The following NEGR1 variants were observed in gnomAD, a reference collection of about 807,000 sequenced individuals.
NEGR1 encodes the protein IgLON family member 4.
In NEGR1, 10 loss-of-function variants were observed where a neutral mutation model predicts 40.9. That is an observed-to-expected ratio of 0.24 (90% confidence interval 0.15 to 0.42). The LOEUF (loss-of-function observed/expected upper bound fraction) is 0.42, where lower values mean the gene tolerates loss of function less well. NEGR1 is among the 10% of genes least tolerant of loss of function. The pLI is 1.00. For synonymous variants in NEGR1, 185 were observed against 166.8 expected, an observed-to-expected ratio of 1.11 and a Z score of -0.84; for missense variants, 352 against 438.9, an observed-to-expected ratio of 0.80 and a Z score of 1.77.
At chr1:72,226,619 T>C (rs1403270853) in intron 1 of NEGR1, among the ~76,000 whole-genome samples, 1 of 152,006 alleles carries the variant, frequency 6.6e-6, no homozygotes, top group Admixed American at 6.6e-5. Context: ...ATTCGGCCAT[T>C]GGTGATAACC....
chr1:71,595,898 CAT>C (rs1349377203), intron 5 of NEGR1, among the ~76,000 whole-genome samples: 5 of 152,140 alleles, frequency 3.3e-5, no homozygotes, highest in Non-Finnish European at 5.9e-5. Context: ...TAATTGATGA[CAT>C]GTTTTTCTTT....
intron 4 of NEGR1, among the ~76,000 whole-genome samples, chr1:71,693,025 T>C (rs1318810327): frequency 1.3e-5 from 2 of 151,794 alleles, no homozygotes; most frequent in African/African-American, 2.4e-5. Context: ...GTTGGCTCTT[T>C]GTTTTTTTCC....
chr1:71,559,942 C>A (rs1420914075), intron 6 of NEGR1, among the ~76,000 whole-genome samples: 5 of 151,358 alleles, frequency 3.3e-5, no homozygotes, highest in African/African-American at 1.2e-4. Context: ...TTACTTTCTC[C>A]TAGTCTCCCT....
intron 4 of NEGR1, among the ~76,000 whole-genome samples, chr1:71,663,123 A>AT (rs1207294174): frequency 6.6e-5 from 10 of 151,418 alleles, no homozygotes; most frequent in African/African-American, 2.2e-4. Context: ...TGCCTGGCTA[A>AT]TTTTTTTGTA....
At chr1:72,221,402 T>C (rs1262024987) in intron 1 of NEGR1, among the ~76,000 whole-genome samples, 1 of 152,136 alleles carries the variant, frequency 6.6e-6, no homozygotes, top group African/African-American at 2.4e-5. Flanking sequence ...TGTATTTATC[T>C]AAATCTCGGA....
At chr1:71,854,941 C>G (rs1659716145) in intron 2 of NEGR1, among the ~76,000 whole-genome samples, 1 of 152,016 alleles carries the variant, frequency 6.6e-6, no homozygotes, top group Admixed American at 6.6e-5. Flanking sequence ...TCTTAGGTAT[C>G]AAAACAATGT....
intron 2 of NEGR1, among the ~76,000 whole-genome samples, chr1:71,898,981 C>T (rs1292283173): frequency 6.0e-4 from 31 of 51,284 alleles, no homozygotes; most frequent in East Asian, 5.3e-3. Flanking sequence ...ATATATATAG[C>T]ATATATATAT....
chr1:71,606,724 G>T (rs986910687), intron 5 of NEGR1, among the ~76,000 whole-genome samples: 1 of 150,328 alleles, frequency 6.7e-6, no homozygotes, highest in African/African-American at 2.5e-5. Context: ...TGAGATAAAA[G>T]AATTCAAAGA....
intron 1 of NEGR1, among the ~76,000 whole-genome samples, chr1:72,008,868 A>C (rs1308614019): frequency 1.3e-5 from 2 of 152,068 alleles, no homozygotes; most frequent in African/African-American, 2.4e-5. Context: ...CACCACTGAT[A>C]TTTTTGAAAA....
chr1:71,538,533 A>G (rs1215073820), intron 6 of NEGR1, among the ~76,000 whole-genome samples: 1 of 151,674 alleles, frequency 6.6e-6, no homozygotes, highest in African/African-American at 2.4e-5. Context: ...TCATTTTCAC[A>G]GTAGAATGAG....
chr1:72,115,480 T>C (rs1407846503), intron 1 of NEGR1, among the ~76,000 whole-genome samples: 1 of 151,772 alleles, frequency 6.6e-6, no homozygotes, highest in African/African-American at 2.4e-5. Context: ...GTAATCTTGT[T>C]AAGGCCATTG....
intron 4 of NEGR1, among the ~76,000 whole-genome samples, chr1:71,683,252 T>C (rs1652902006): frequency 6.6e-6 from 1 of 152,094 alleles, no homozygotes; most frequent in Non-Finnish European, 1.5e-5. Context: ...TGGGGGTCTT[T>C]GTTTAATGTG....
intron 2 of NEGR1, among the ~76,000 whole-genome samples, chr1:71,846,744 G>A (rs1412475818): frequency 1.3e-5 from 2 of 152,082 alleles, no homozygotes; most frequent in African/African-American, 4.8e-5. Context: ...GCCCGGTGAG[G>A]GCCTGTTCCT....
intron 4 of NEGR1, among the ~76,000 whole-genome samples, chr1:71,696,137 A>C (rs1653467458): frequency 6.6e-6 from 1 of 151,518 alleles, no homozygotes; most frequent in Non-Finnish European, 1.5e-5. Context: ...TTTTTTACCC[A>C]GTTTCTGTTC....
At chr1:71,870,353 ATAAT>A (rs1360567177) in intron 2 of NEGR1, among the ~76,000 whole-genome samples, 1 of 152,222 alleles carries the variant, frequency 6.6e-6, no homozygotes, top group African/African-American at 2.4e-5. Flanking sequence ...AGGAATTAAA[ATAAT>A]TAACGCATAA....
chr1:71,942,755 G>A, intron 1 of NEGR1, among the ~76,000 whole-genome samples: 1 of 146,474 alleles, frequency 6.8e-6, no homozygotes. Context: ...GCCCGCCTCG[G>A]CCTCCCAAAG....
chr1:71,566,293 G>A (rs1025150883), intron 6 of NEGR1, among the ~76,000 whole-genome samples: 2 of 151,942 alleles, frequency 1.3e-5, no homozygotes, highest in Middle Eastern at 6.3e-3. Flanking sequence ...AATGTATTTA[G>A]TCATGAGAAA....
chr1:71,727,242 T>C (rs1244941739), intron 3 of NEGR1, among the ~76,000 whole-genome samples: 3 of 152,152 alleles, frequency 2.0e-5, no homozygotes, highest in Non-Finnish European at 4.4e-5. Flanking sequence ...TTATAATTTA[T>C]ACTTTTTGAT....
intron 1 of NEGR1, among the ~76,000 whole-genome samples, chr1:72,216,317 T>A (rs1201612495): frequency 6.7e-6 from 1 of 149,452 alleles, no homozygotes; most frequent in Non-Finnish European, 1.5e-5. Flanking sequence ...GACACATGTA[T>A]ACCTATGTAA....
Sources: allele counts gnomAD v4.1 joint callset (sites outside exome capture counted in the v4.1 genomes callset), GRCh38; gene constraint gnomAD v4.1.1; transcripts MANE v1.5; gene names NCBI Gene and HGNC (gene_info 2026-07-23, HGNC 2026-07-21).